SYNE2: variants seen among roughly 807,000 people sequenced by gnomAD.
SYNE2 encodes the protein spectrin repeat containing nuclear envelope protein 2.
A neutral mutation model predicts 856.3 loss-of-function variants in SYNE2; 431 were observed. The ratio of observed to expected loss-of-function variants is 0.50; its 90% CI spans 0.47 to 0.55. SYNE2 has a LOEUF of 0.55. SYNE2 is among the 20% of genes least tolerant of loss of function. The pLI is 0.00. For missense variants in SYNE2, 8,129 were observed against 8,023.2 expected (o/e 1.01, Z -0.50); for synonymous variants, 2,923 against 2,872.3 (o/e 1.02, Z -0.56).
intron 66 of SYNE2, among the ~76,000 whole-genome samples, chr14:64,116,513 G>C (rs1778900464): frequency 6.6e-6 from 1 of 152,172 alleles, no homozygotes; most frequent in Non-Finnish European, 1.5e-5. Context: ...TGCCTCCTGG[G>C]TTCAAGTGAT....
At chr14:63,926,678 G>A (rs570767241) in intron 2 of SYNE2, among the ~76,000 whole-genome samples, 1 of 152,286 alleles carries the variant, frequency 6.6e-6, no homozygotes, top group South Asian at 2.1e-4. Context: ...CTAGTAACCC[G>A]ATGAAGTAGA....
At position 64,225,565 on chromosome 14, in the gene SYNE2, TTGCCAAGGG is replaced by T. The variant is rs2098715434; in HGVS notation, c.*44_*52del. ...CCACAGTGCTACACCACCTGCCTGA[TTGCCAAGGG>T]TGCCCAGCACGTGGCCCCAGACCAA... On this transcript the variant is annotated 3_prime_UTR_variant, in exon 116 of 116. Coordinates refer to ENST00000555002, the MANE Select transcript of SYNE2 (RefSeq NM_182914.3). 4 of 1,603,762 alleles carry T rather than the reference TTGCCAAGGG, an allele frequency of 2.5e-6. No individual in the cohort carries two copies. The Admixed American group carries it at 6.8e-5, about 27-fold the overall frequency.
intron 104 of SYNE2, among the ~76,000 whole-genome samples, chr14:64,212,450 A>G (rs2098646326): frequency 6.6e-6 from 1 of 152,332 alleles, no homozygotes; most frequent in South Asian, 2.1e-4. Context: ...AGTGAATATT[A>G]TTGTGTCAGC....
chr14:63,771,158 C>T (rs184178687), intron 1 of SYNE2, among the ~76,000 whole-genome samples: 1 of 151,578 alleles, frequency 6.6e-6, no homozygotes, highest in East Asian at 1.9e-4. Flanking sequence ...CAAGCTCCGC[C>T]TCCCGGGTTC....
At position 64,164,674 on chromosome 14, in the gene SYNE2, TA is replaced by T. The variant is rs749328543; in HGVS notation, c.16480-610del. On this transcript the variant is annotated intron_variant, in intron 89 of 115. Transcript: ENST00000555002. ...AAACAAACAAAAAAGCACATTTAAC[TA>T]GTGGGACTGAGAGAACGGAGTGCTC... Among the ~76,000 whole-genome samples, 5 of 152,236 alleles carry T rather than the reference TA, an allele frequency of 3.3e-5. No homozygotes were observed. In the East Asian group the frequency reaches 5.8e-4, roughly 18 times the overall value.
At chr14:63,951,602 C>G (rs1017781297) in intron 7 of SYNE2, among the ~76,000 whole-genome samples, 1 of 152,060 alleles carries the variant, frequency 6.6e-6, no homozygotes, top group Non-Finnish European at 1.5e-5. Context: ...TGCTCCCGGC[C>G]CAGCCTTACT....
chr14:64,068,025 A>T (rs1196640469), intron 51 of SYNE2, among the ~76,000 whole-genome samples: 1 of 152,188 alleles, frequency 6.6e-6, no homozygotes, highest in Non-Finnish European at 1.5e-5. Context: ...TTGACCGTGA[A>T]CCTGAAAGTT....
chr14:63,768,806 C>A (rs1035271467), intron 1 of SYNE2, among the ~76,000 whole-genome samples: 1 of 152,010 alleles, frequency 6.6e-6, no homozygotes. Context: ...GTACAAGGTG[C>A]ATATCACTAG....
chr14:64,137,786 G>A lies in SYNE2; in HGVS notation c.14647-1G>A. 2.5e-6 allele frequency: 4 copies of A among 1,613,998 alleles called. No homozygotes were observed. Among genetic ancestry groups the A allele is most frequent in the Non-Finnish European group, 3.4e-6 (4 of 1,179,970 alleles). ...CATTCTATGACTTTACTTTTTATTAGCAAATAAAAAGAAACATTGGTGGAA... is the reference window on the plus strand; with the variant it reads ...CATTCTATGACTTTACTTTTTATTAACAAATAAAAAGAAACATTGGTGGAA... On this transcript the variant is annotated splice_acceptor_variant, in intron 78 of 115. Coordinates refer to ENST00000555002, the MANE Select transcript of SYNE2 (RefSeq NM_182914.3). LOFTEE classifies it high-confidence loss of function.
At chr14:64,216,683 G>A (rs935852538) in intron 108 of SYNE2, among the ~76,000 whole-genome samples, 1 of 152,170 alleles carries the variant, frequency 6.6e-6, no homozygotes, top group Non-Finnish European at 1.5e-5. Context: ...AGCAAGCAAG[G>A]TGCTGGCTTT....
chr14:63,809,009 G>A (rs1472778015), intron 1 of SYNE2, among the ~76,000 whole-genome samples: 2 of 152,184 alleles, frequency 1.3e-5, no homozygotes, highest in African/African-American at 4.8e-5. Context: ...GGTGACAACA[G>A]TGAGACTCTG....
intron 1 of SYNE2, among the ~76,000 whole-genome samples, chr14:63,872,778 A>AAC (rs1276698618): frequency 6.6e-6 from 1 of 151,614 alleles, no homozygotes; most frequent in Non-Finnish European, 1.5e-5. Flanking sequence ...AAAAAAAAAA[A>AAC]AAAGATGATA....
rs1258779402 is a variant in SYNE2 at position 64,202,539 on chromosome 14, G to A, written c.18039-262G>A. Among the ~76,000 whole-genome samples the A allele has an allele frequency of 2.6e-5, 4 of 152,300 alleles. No individual in the cohort carries two copies. In the East Asian group the frequency reaches 7.7e-4, roughly 29 times the overall value. The stretch of plus-strand genomic sequence containing the variant: ...GGGGCTCTCACTCTGGGAATGATAG[G>A]ACTTCCATTTGCATGGGTGGATTAA... On this transcript the variant is annotated intron_variant, in intron 99 of 115. Transcript: ENST00000555002.
At chr14:64,106,136 C>G (rs868626240) in intron 64 of SYNE2, among the ~76,000 whole-genome samples, 123 of 146,850 alleles carry the variant, frequency 8.4e-4, no homozygotes, top group African/African-American at 2.4e-3. Flanking sequence ...TTCCAGACCC[C>G]CCCCCCCAAC....
chr14:63,865,724 CA>C (rs768960267), intron 1 of SYNE2, among the ~76,000 whole-genome samples: 1 of 95,412 alleles, frequency 1.0e-5, no homozygotes, highest in Admixed American at 1.1e-4. Context: ...ACCCCCCCCC[CA>C]AAAAAAAAGA....
rs1366059996 is a variant in SYNE2 at position 63,948,784 on chromosome 14, A to ATGTG, written c.409-1040_409-1039insGTGT. 8.8e-4 allele frequency among the ~76,000 whole-genome samples: 15 copies of ATGTG among 17,108 alleles called. 1 individual carries two copies. The highest frequency in any genetic ancestry group is 6.3e-4 in the Admixed American group (1 of 1,580). 11.2% of individuals were successfully genotyped at this position (17,108 alleles called of 152,430 possible). A position where few individuals can be genotyped will look rare whatever the true frequency, so the allele number is the denominator to read the frequency against. Reference sequence around the variant, plus strand: ...TGTATATATATGTATGTGTGTGTGTATATATATATATATATATATATATAT... The same window carrying ATGTG: ...TGTATATATATGTATGTGTGTGTGTATGTGTATATATATATATATATATATATAT... On this transcript the variant is annotated intron_variant, in intron 6 of 115. Transcript: ENST00000555002.
At chr14:64,064,542 ATTTTTTTTTT>A (rs369447974) in intron 50 of SYNE2, among the ~76,000 whole-genome samples, 2 of 103,610 alleles carry the variant, frequency 1.9e-5, no homozygotes, top group African/African-American at 7.4e-5. Flanking sequence ...GTACTTTTAG[ATTTTTTTTTT>A]TTTTTTTTTT....
intron 1 of SYNE2, among the ~76,000 whole-genome samples, chr14:63,773,264 A>G (rs12891520): frequency 0.055 from 8,400 of 152,166 alleles, 319 homozygotes; most frequent in Admixed American, 0.1. Flanking sequence ...CAGTGGCTCA[A>G]TCACGGCTCA....
At chr14:64,109,003 AT>A (rs2097788629) in intron 65 of SYNE2, among the ~76,000 whole-genome samples, 1 of 151,902 alleles carries the variant, frequency 6.6e-6, no homozygotes, top group African/African-American at 2.4e-5. Flanking sequence ...AGCCTCCCGG[AT>A]GGCTAGGACC....
Sources: gnomAD v4.1 joint callset for allele counts (sites outside exome capture counted in the v4.1 genomes callset) on GRCh38, gnomAD v4.1.1 for gene constraint, MANE v1.5 for transcripts, NCBI Gene and HGNC (gene_info 2026-07-23, HGNC 2026-07-21) for gene names.